Variants in ERC2 observed in about 807,000 individuals in gnomAD.
ERC2 encodes ERC protein 2.
ERC2 carries 42 observed loss-of-function variants against 114.8 expected under a neutral mutation model. That is an observed-to-expected ratio of 0.37 (90% CI 0.29 to 0.47). The LOEUF is 0.47. Among genes scored for constraint, ERC2 ranks in the 20% least tolerant of loss-of-function variants. The pLI is 0.99. For missense variants in ERC2, 939 were observed against 1,150.7 expected, an observed-to-expected ratio of 0.82 and a Z score of 2.66; for synonymous variants, 454 against 425.5, an observed-to-expected ratio of 1.07 and a Z score of -0.82.
chr3:56,206,413 T>C (rs981028238), intron 3 of ERC2, among the ~76,000 whole-genome samples: 2 of 152,186 alleles, frequency 1.3e-5, no homozygotes, highest in Non-Finnish European at 2.9e-5. Context: ...AAGCTCAGCA[T>C]AGAATCTGAT....
Position 56,199,228 on chromosome 3 carries a change from T to G in ERC2, c.1075-25708A>C, listed in dbSNP as rs910916324. ...ATGCTGGGGAAGGGGAAGGATCTAC[T>G]GAGAATACAAGATTAGAGAAGCCTT... On this transcript the variant is annotated intron_variant, in intron 3 of 17. Coordinates refer to ENST00000288221, the MANE Select transcript of ERC2 (RefSeq NM_015576.3). Among the ~76,000 whole-genome samples the G allele has an allele frequency of 2.6e-5, 4 of 152,072 alleles. No homozygotes were observed. In the South Asian group the frequency reaches 8.3e-4, roughly 32 times the overall value.
At chr3:56,139,767 G>C (rs1451590790) in intron 5 of ERC2, 91 bp from the exon 6 acceptor site, 67 of 1,363,912 alleles carry the variant, frequency 4.9e-5, no homozygotes, top group Non-Finnish European at 6.4e-5. Flanking sequence ...CATTTCAGCA[G>C]CCAGTGATCA....
intron 1 of ERC2, among the ~76,000 whole-genome samples, chr3:56,450,520 C>T (rs564217727): frequency 3.3e-5 from 5 of 152,112 alleles, no homozygotes; most frequent in African/African-American, 9.6e-5. Context: ...CAGCTAAATC[C>T]ACAAGTTAAA....
chr3:56,213,580 C>A (rs2049230106), intron 3 of ERC2, among the ~76,000 whole-genome samples: 2 of 152,194 alleles, frequency 1.3e-5, no homozygotes. Context: ...GTAGACTCTG[C>A]CTCTGGGGGC....
chr3:55,782,342 C>A (rs1355748539), intron 14 of ERC2, among the ~76,000 whole-genome samples: 1 of 152,190 alleles, frequency 6.6e-6, no homozygotes, highest in Non-Finnish European at 1.5e-5. Context: ...TCACCTCTTC[C>A]CCCTGCATCC....
At chr3:55,547,220 G>A (rs1008758786) in intron 17 of ERC2, among the ~76,000 whole-genome samples, 3 of 152,168 alleles carry the variant, frequency 2.0e-5, no homozygotes, top group Admixed American at 6.5e-5. Context: ...TGCCCCAGCC[G>A]GGCCCACCAC....
At chr3:55,985,869 C>T (rs532141400) in intron 12 of ERC2, 108 bp downstream of exon 12, 1 of 942,804 alleles carries the variant, frequency 1.1e-6, no homozygotes, top group Non-Finnish European at 1.6e-6. Flanking sequence ...GGGGGAAATG[C>T]AGTGGCCCGA....
At chr3:55,939,563 C>A (rs1289253586) in intron 13 of ERC2, among the ~76,000 whole-genome samples, 4 of 152,178 alleles carry the variant, frequency 2.6e-5, no homozygotes, top group African/African-American at 4.8e-5. Context: ...AAATGAAACC[C>A]CTTTTCCTTA....
At chr3:56,463,413 T>C (rs2063405549) in intron 1 of ERC2, among the ~76,000 whole-genome samples, 1 of 152,078 alleles carries the variant, frequency 6.6e-6, no homozygotes, top group Non-Finnish European at 1.5e-5. Context: ...ACCCAAAAAC[T>C]TCCACCTATG....
At chr3:56,171,757 T>C (rs1306949723) in intron 4 of ERC2, among the ~76,000 whole-genome samples, 3 of 151,670 alleles carry the variant, frequency 2.0e-5, no homozygotes, top group African/African-American at 4.8e-5. Flanking sequence ...CCAATTATCT[T>C]TGTATGGAGA....
intron 14 of ERC2, among the ~76,000 whole-genome samples, chr3:55,842,381 G>A (rs1559747927): frequency 6.6e-6 from 1 of 152,144 alleles, no homozygotes; most frequent in Non-Finnish European, 1.5e-5. Flanking sequence ...CCGTTCCAGG[G>A]ACACACAATG....
At chr3:56,228,851 A>G (rs2050420514) in intron 3 of ERC2, among the ~76,000 whole-genome samples, 1 of 152,182 alleles carries the variant, frequency 6.6e-6, no homozygotes, top group Non-Finnish European at 1.5e-5. Flanking sequence ...CCCCCAAAAT[A>G]TCTTCCAGCT....
chr3:55,720,643 A>C (rs960417023), intron 15 of ERC2, among the ~76,000 whole-genome samples: 1 of 152,156 alleles, frequency 6.6e-6, no homozygotes, highest in African/African-American at 2.4e-5. Context: ...TTCTTCACAG[A>C]TAAATGAGTA....
At chr3:55,969,568 A>T (rs1191722939) in intron 12 of ERC2, among the ~76,000 whole-genome samples, 1 of 152,182 alleles carries the variant, frequency 6.6e-6, no homozygotes, top group Non-Finnish European at 1.5e-5. Context: ...CACTTCCCTA[A>T]GCAGCCAGTT....
chr3:56,244,003 G>A (rs528528801), intron 3 of ERC2, among the ~76,000 whole-genome samples: 26 of 152,252 alleles, frequency 1.7e-4, no homozygotes, highest in African/African-American at 4.3e-4. Context: ...GGGATGCCTC[G>A]CCAAAGAGGT....
intron 2 of ERC2, among the ~76,000 whole-genome samples, chr3:56,311,194 T>C (rs1208446402): frequency 6.9e-6 from 1 of 144,996 alleles, no homozygotes; most frequent in East Asian, 2.0e-4. Flanking sequence ...ATATAATTTG[T>C]AAAGATGAAA....
chr3:55,773,772 T>C (rs896661308), intron 14 of ERC2, among the ~76,000 whole-genome samples: 10 of 152,244 alleles, frequency 6.6e-5, no homozygotes, highest in African/African-American at 2.4e-4. Context: ...GGAAAGGCTA[T>C]TTTGGTTAGA....
chr3:55,706,087 G>A (rs879707607), intron 15 of ERC2, among the ~76,000 whole-genome samples: 14 of 152,092 alleles, frequency 9.2e-5, no homozygotes, highest in South Asian at 2.1e-4. Flanking sequence ...GGGAGCTCAC[G>A]CCCCTGAAAC....
chr3:56,324,705 G>T (rs1219454743), intron 2 of ERC2, among the ~76,000 whole-genome samples: 5 of 152,136 alleles, frequency 3.3e-5, no homozygotes, highest in Non-Finnish European at 5.9e-5. Context: ...AGGCCCAGAT[G>T]AGCCACAGAA....
Sources: allele counts gnomAD v4.1 joint callset (sites outside exome capture counted in the v4.1 genomes callset), GRCh38; gene constraint gnomAD v4.1.1; transcripts MANE v1.5; gene names NCBI Gene and HGNC (gene_info 2026-07-23, HGNC 2026-07-21).